Variants in CEP295 observed in about 807,000 individuals in gnomAD.
The protein encoded by CEP295 is centrosomal protein 295, also known as centrosomal protein of 295 kDa.
Under a neutral mutation model 291.6 loss-of-function variants are expected in CEP295, and 190 were observed. The ratio of observed to expected loss-of-function variants is 0.65; its 90% confidence interval spans 0.58 to 0.73. The LOEUF (loss-of-function observed/expected upper bound fraction) is 0.73. Among genes scored for constraint, CEP295 ranks in the 30% least tolerant of loss-of-function variants. The pLI is 0.00. For synonymous variants in CEP295, 993 were observed against 1,038.8 expected (o/e 0.96, Z 0.85); for missense variants, 2,863 against 2,949.4 (o/e 0.97, Z 0.68).
At position 93,697,166 on chromosome 11, in the gene CEP295, T is replaced by C. The variant is rs910045962; in HGVS notation, c.2254T>C (p.Ser752Pro). The change falls in exon 15 of 30, where the codon TCT becomes CCT. Residue 752 changes from serine to proline, a missense_variant. Transcript: ENST00000325212. ...QLISQDARKI[S>P]ETFGATTFQS... ...AATATCACAGGATGCTAGAAAAATA[T>C]CTGAAACATTTGGGGCAACAACTTT... 5 of 1,551,790 alleles carry C rather than the reference T, an allele frequency of 3.2e-6. No homozygotes were observed. The highest frequency in any genetic ancestry group is 1.4e-5 in the African/African-American group (1 of 73,060).
intron 4 of CEP295, among the ~76,000 whole-genome samples, chr11:93,669,414 G>GTT (rs35665508): frequency 0.02 from 2,886 of 144,754 alleles, 34 homozygotes; most frequent in Non-Finnish European, 0.029. Context: ...CAACATTTCT[G>GTT]TTTTTTTTTT....
chr11:93,721,422 G>A lies in CEP295; in HGVS notation c.5850+10G>A, dbSNP rs1474358786. 1.3e-6 allele frequency: 2 copies of A among 1,511,388 alleles called. No homozygotes were observed. Among genetic ancestry groups the A allele is most frequent in the Non-Finnish European group, 1.8e-6 (2 of 1,086,764 alleles). The allele number at this position is 1,511,388 out of a possible 1,614,324, so 93.6% of individuals were successfully genotyped here. On this transcript the variant is annotated intron_variant, in intron 19 of 29. Transcript: ENST00000325212. ...GAAGCCAGATGATAAGGTTAGTAAT[G>A]TCTTAATGTTCACTCGATTTTTAGA...
At chr11:93,682,609 C>T (rs972338767) in intron 7 of CEP295, among the ~76,000 whole-genome samples, 8 of 151,680 alleles carry the variant, frequency 5.3e-5, no homozygotes, top group Non-Finnish European at 1.2e-4. Flanking sequence ...AAAAAAAAAC[C>T]GTGCAATCTC....
chr11:93,696,787 T>G lies in CEP295; in HGVS notation c.1875T>G (p.Asp625Glu), dbSNP rs193135483. ...TGTCAGCTCCATCATTGATAACTGA[T>G]TCTGTTATATCAGTGCCATCATGGA... Reference protein sequence around the residue: ...PSVSAPSLITDSVISVPSWKS... With the variant: ...PSVSAPSLITESVISVPSWKS... The change falls in exon 15 of 30, where the codon GAT becomes GAG. Residue 625 changes from aspartate to glutamate, a missense_variant. Asp to Glu is a conservative substitution (Grantham distance 45, BLOSUM62 2). This residue lies in a region of CEP295 where 2,295 missense variants were observed against 2,335.7 expected (regional missense o/e 0.98). Transcript: ENST00000325212. The G allele has an allele frequency of 1.3e-5, 20 of 1,551,640 alleles. No individual in the cohort carries two copies. The African/African-American group carries it at 2.1e-4, about 16-fold the overall frequency.
intron 12 of CEP295, among the ~76,000 whole-genome samples, chr11:93,692,433 A>C (rs1951609190): frequency 6.6e-6 from 1 of 152,210 alleles, no homozygotes; most frequent in Admixed American, 6.5e-5. Flanking sequence ...GTAATCCCAC[A>C]AGTTTTTTGA....
chr11:93,723,174 T>C lies in CEP295; in HGVS notation c.6081T>C (p.His2027=), dbSNP rs1357118328. The change falls in exon 21 of 30, where the codon CAT becomes CAC. Residue 2027 remains histidine, a synonymous_variant. Transcript: ENST00000325212. ...IYQRQNSSDV[H]KSLLPAVDET... Reference sequence around the variant, plus strand: ...AGCGGCAGAACTCTTCAGACGTTCATAAATCTCTGTTGCCTGCAGTGGATG... The same window carrying C: ...AGCGGCAGAACTCTTCAGACGTTCACAAATCTCTGTTGCCTGCAGTGGATG... The C allele has an allele frequency of 2.6e-6, 4 of 1,552,012 alleles. No individual in the cohort carries two copies. In the South Asian group the frequency reaches 3.6e-5, roughly 14 times the overall value.
At position 93,730,291 on chromosome 11, in the gene CEP295, G is replaced by C; in HGVS notation, c.*22G>C. The C allele has an allele frequency of 6.7e-7, 1 of 1,500,632 alleles. No individual in the cohort carries two copies. The highest frequency in any genetic ancestry group is 1.2e-5 in the South Asian group (1 of 83,092). The allele number at this position is 1,500,632 out of a possible 1,614,324, so 93.0% of individuals were successfully genotyped here. A position where few individuals can be genotyped will look rare whatever the true frequency, so the allele number is the denominator to read the frequency against. On this transcript the variant is annotated 3_prime_UTR_variant, in exon 30 of 30. Coordinates refer to ENST00000325212, the MANE Select transcript of CEP295 (RefSeq NM_033395.2). ...CTGACTTTCTAGAAATAGTGTAAAG[G>C]TTTTTTAATTGTGTATATGTAGCAT... is the stretch of plus-strand genomic sequence containing the variant.
intron 17 of CEP295, among the ~76,000 whole-genome samples, chr11:93,704,658 G>GT (rs2135171645): frequency 6.6e-6 from 1 of 152,284 alleles, no homozygotes; most frequent in Admixed American, 6.5e-5. Flanking sequence ...TCAAGACTTA[G>GT]TAAGTGTCAT....
intron 17 of CEP295, among the ~76,000 whole-genome samples, chr11:93,706,121 A>T (rs930586668): frequency 6.6e-6 from 1 of 152,178 alleles, no homozygotes; most frequent in Non-Finnish European, 1.5e-5. Context: ...TCTGGGGATG[A>T]TGTTGATGGA....
At chr11:93,688,896 A>C (rs1951380624) in intron 10 of CEP295, among the ~76,000 whole-genome samples, 1 of 152,236 alleles carries the variant, frequency 6.6e-6, no homozygotes, top group Non-Finnish European at 1.5e-5. Flanking sequence ...CTCCCACCAC[A>C]TACCTGCTTT....
intron 18 of CEP295, among the ~76,000 whole-genome samples, chr11:93,718,532 T>G (rs1227540134): frequency 6.6e-6 from 1 of 152,214 alleles, no homozygotes; most frequent in Non-Finnish European, 1.5e-5. Context: ...CTGATCTTGC[T>G]CCTTTCTCTC....
intron 1 of CEP295, among the ~76,000 whole-genome samples, chr11:93,662,959 C>T (rs1174135064): frequency 6.6e-6 from 1 of 152,182 alleles, no homozygotes; most frequent in African/African-American, 2.4e-5. Context: ...AAATACATAA[C>T]CTCAGTTTAA....
chr11:93,729,329 G>A (rs1271987960), intron 25 of CEP295, 105 bp from the exon 26 acceptor site: 3 of 746,898 alleles, frequency 4.0e-6, no homozygotes, highest in Non-Finnish European at 6.9e-6. Flanking sequence ...TAAGATTGAG[G>A]CTGCAGTGAG....
chr11:93,667,656 A>G lies in CEP295; in HGVS notation c.158A>G (p.Lys53Arg). The G allele has an allele frequency of 6.4e-7, 1 of 1,551,550 alleles. No individual in the cohort carries two copies. The highest frequency in any genetic ancestry group is 1.4e-5 in the African/African-American group (1 of 73,178). The change falls in exon 3 of 30, where the codon AAA becomes AGA. Residue 53 changes from lysine to arginine, a missense_variant. Physicochemically the swap from Lys to Arg is conservative, Grantham distance 26. Transcript: ENST00000325212. ...GCCTTACAGATAAGAGAAGACATAA[A>G]ACAGAGGAGAAATCAACAATTTACA... ...DIALQIREDIKQRRNQQFTRL... is the reference protein window; with the variant it reads ...DIALQIREDIRQRRNQQFTRL...
chr11:93,699,117 A>G lies in CEP295; in HGVS notation c.4205A>G (p.Gln1402Arg), dbSNP rs1351336930. The stretch of plus-strand genomic sequence containing the variant: ...ACCTCTTCCTTACCCCTAGTACCAC[A>G]GCATTCATTCGCCTCATTACCTCTT... ...VDTSSLPLVP[Q>R]HSFASLPLNE... Residue 1402 changes from glutamine to arginine, a missense_variant, in exon 15 of 30, where the codon CAG becomes CGG. Gln to Arg is a conservative substitution (Grantham distance 43, BLOSUM62 1). This residue lies in a region of CEP295 where 2,295 missense variants were observed against 2,335.7 expected (regional missense o/e 0.98). Transcript: ENST00000325212. 1 of 1,549,722 alleles carries G rather than the reference A, an allele frequency of 6.5e-7. No homozygotes were observed. Among genetic ancestry groups the G allele is most frequent in the African/African-American group, 1.4e-5 (1 of 73,072 alleles).
At chr11:93,696,541 T>C in intron 14 of CEP295, 124 bp downstream of exon 14, 1 of 1,036,646 alleles carries the variant, frequency 9.6e-7, no homozygotes, top group African/African-American at 1.6e-5. Context: ...ACTGCCATTC[T>C]TAAAGGACAA....
In CEP295 at chr11:93,730,126, C is replaced by T. The variant is rs1215690487; in HGVS notation, c.7745C>T (p.Ala2582Val). 1.3e-6 allele frequency: 2 copies of T among 1,550,664 alleles called. No individual in the cohort carries two copies. Among genetic ancestry groups the T allele is most frequent in the East Asian group, 2.4e-5 (1 of 40,878 alleles). The change falls in exon 29 of 30, where the codon GCA becomes GTA. Residue 2582 changes from alanine to valine, a missense_variant. Ala to Val is a moderately conservative substitution (Grantham distance 64). Transcript: ENST00000325212. ...CAAGAAGCTTATGCCCAAAACAGAG[C>T]AAGGGCAAAAGAATTCCATAAGGTG... is the stretch of plus-strand genomic sequence containing the variant. The part of the protein sequence containing the change: ...TKQEAYAQNR[A>V]RAKEFHKKTL...
chr11:93,709,114 T>C (rs565857896), intron 18 of CEP295, among the ~76,000 whole-genome samples: 1 of 152,354 alleles, frequency 6.6e-6, no homozygotes, highest in South Asian at 2.1e-4. Flanking sequence ...ACTTTATTGA[T>C]TGTTTCATTT....
chr11:93,716,578 C>T (rs1953258424), intron 18 of CEP295, among the ~76,000 whole-genome samples: 1 of 152,060 alleles, frequency 6.6e-6, no homozygotes, highest in Non-Finnish European at 1.5e-5. Context: ...GCACTCAGAC[C>T]CAGCAGACTC....
Sources: gnomAD v4.1 joint callset for allele counts (sites outside exome capture counted in the v4.1 genomes callset) on GRCh38, gnomAD v4.1.1 for gene constraint, gnomAD v4.1.1 regional missense constraint, MANE v1.5 for transcripts, NCBI Gene and HGNC (gene_info 2026-07-23, HGNC 2026-07-21) for gene names.